Variants in EPB41L3 observed in about 807,000 individuals in gnomAD.
The protein encoded by EPB41L3 is band 4.1-like protein 3.
EPB41L3 carries 57 observed loss-of-function variants against 127.1 expected under a neutral mutation model. The observed-to-expected ratio is 0.45, with a 90% CI of 0.36 to 0.56. The LOEUF (loss-of-function observed/expected upper bound fraction) is 0.56, where lower values mean the gene tolerates loss of function less well. Among genes scored for constraint, EPB41L3 ranks in the 20% least tolerant of loss-of-function variants. The probability of loss-of-function intolerance (pLI) is 0.00; values close to 1 mark genes in which losing one functional copy is unlikely to be tolerated. For missense variants in EPB41L3, 1,273 were observed against 1,372.2 expected (o/e 0.93, Z 1.14); for synonymous variants, 572 against 549.5 (o/e 1.04, Z -0.57).
chr18:5,581,397 A>G (rs946261820), intron 3 of EPB41L3, among the ~76,000 whole-genome samples: 25 of 152,236 alleles, frequency 1.6e-4, no homozygotes, highest in African/African-American at 5.5e-4. Flanking sequence ...CTGTTAAACT[A>G]AATTTTAAGA....
intron 6 of EPB41L3, among the ~76,000 whole-genome samples, chr18:5,435,678 C>T (rs1355549617): frequency 6.6e-6 from 1 of 152,126 alleles, no homozygotes; most frequent in African/African-American, 2.4e-5. Context: ...AGAATGTATC[C>T]GCATTGTTAA....
At chr18:5,556,601 G>A (rs1461154161) in intron 3 of EPB41L3, among the ~76,000 whole-genome samples, 2 of 152,152 alleles carry the variant, frequency 1.3e-5, no homozygotes, top group Non-Finnish European at 2.9e-5. Context: ...GAAAGTTAGA[G>A]GGCAGAAAAA....
chr18:5,616,183 G>A (rs1387398703), intron 1 of EPB41L3, among the ~76,000 whole-genome samples: 10 of 151,826 alleles, frequency 6.6e-5, no homozygotes, highest in South Asian at 4.2e-4. Flanking sequence ...TGCACAGCCC[G>A]CCCGTGAATC....
chr18:5,556,440 C>G (rs1043911163), intron 3 of EPB41L3, among the ~76,000 whole-genome samples: 1 of 152,158 alleles, frequency 6.6e-6, no homozygotes, highest in African/African-American at 2.4e-5. Flanking sequence ...TTTTCCCTAG[C>G]GGTGCTGCTG....
intron 3 of EPB41L3, among the ~76,000 whole-genome samples, chr18:5,476,465 T>C (rs922247437): frequency 6.6e-6 from 1 of 152,146 alleles, no homozygotes; most frequent in Non-Finnish European, 1.5e-5. Context: ...CAGACATAAA[T>C]TAAATCTGAC....
intron 2 of EPB41L3, among the ~76,000 whole-genome samples, chr18:5,483,026 A>G (rs2088895347): frequency 1.3e-5 from 2 of 152,212 alleles, no homozygotes; most frequent in African/African-American, 4.8e-5. Flanking sequence ...TACTACCACA[A>G]TCATAACTCT....
At chr18:5,536,607 C>G (rs962354100) in intron 1 of EPB41L3, among the ~76,000 whole-genome samples, 3 of 151,072 alleles carry the variant, frequency 2.0e-5, no homozygotes, top group Non-Finnish European at 4.4e-5. Context: ...CATTCGAGAC[C>G]AGCCTTGCCA....
At chr18:5,429,836 A>G (rs2078733470) in intron 8 of EPB41L3, among the ~76,000 whole-genome samples, 1 of 152,152 alleles carries the variant, frequency 6.6e-6, no homozygotes, top group South Asian at 2.1e-4. Flanking sequence ...TGATTTAAAG[A>G]GCTGTAACCT....
In EPB41L3 at chr18:5,424,604, T is replaced by A. The variant is rs1007055576; in HGVS notation, c.1066-245A>T. 3.5e-4 allele frequency among the ~76,000 whole-genome samples: 54 copies of A among 152,330 alleles called. 1 individual carries two copies. The highest frequency in any genetic ancestry group is 1.2e-3 in the African/African-American group (50 of 41,582). ...AAAATGTCTTCTGAATAAGTGTGTA[T>A]CTTATGATACAACTGAAAACCAAAC... On this transcript the variant is annotated intron_variant, in intron 9 of 22. Coordinates refer to ENST00000341928, the MANE Select transcript of EPB41L3 (RefSeq NM_012307.5).
intron 1 of EPB41L3, among the ~76,000 whole-genome samples, chr18:5,505,068 C>A (rs570463599): frequency 1.8e-4 from 28 of 152,292 alleles, no homozygotes; most frequent in African/African-American, 6.7e-4. Flanking sequence ...CTCCTCCATC[C>A]AGTGCAGGCA....
At chr18:5,621,933 TTGAA>T (rs1319121404) in intron 1 of EPB41L3, among the ~76,000 whole-genome samples, 1 of 152,230 alleles carries the variant, frequency 6.6e-6, no homozygotes, top group Non-Finnish European at 1.5e-5. Context: ...CTTTTTCTGC[TTGAA>T]TGATACAGAT....
chr18:5,533,012 T>G (rs1278696466), intron 1 of EPB41L3, among the ~76,000 whole-genome samples: 1 of 151,998 alleles, frequency 6.6e-6, no homozygotes, highest in African/African-American at 2.4e-5. Context: ...AAAAAAGAAA[T>G]GAAATTTAAT....
chr18:5,474,858 G>A (rs759462489), intron 3 of EPB41L3, among the ~76,000 whole-genome samples: 1 of 152,168 alleles, frequency 6.6e-6, no homozygotes, highest in African/African-American at 2.4e-5. Context: ...GGAATCAGTG[G>A]CTTCCATAAT....
At chr18:5,509,291 A>AT (rs1335429928) in intron 1 of EPB41L3, among the ~76,000 whole-genome samples, 1 of 152,082 alleles carries the variant, frequency 6.6e-6, no homozygotes, top group East Asian at 1.9e-4. Flanking sequence ...GTGAGTATTC[A>AT]TTTTCTTGAG....
At chr18:5,575,814 G>T (rs1291413833) in intron 3 of EPB41L3, among the ~76,000 whole-genome samples, 1 of 152,100 alleles carries the variant, frequency 6.6e-6, no homozygotes, top group Non-Finnish European at 1.5e-5. Context: ...TGCAGCCTTG[G>T]TGACAGAGTG....
intron 6 of EPB41L3, among the ~76,000 whole-genome samples, chr18:5,434,838 A>T (rs1042351034): frequency 1.3e-5 from 2 of 152,226 alleles, no homozygotes; most frequent in African/African-American, 4.8e-5. Flanking sequence ...TGTAAAAATA[A>T]AAAGTTAACT....
At chr18:5,520,521 G>C (rs1364638003) in intron 1 of EPB41L3, among the ~76,000 whole-genome samples, 1 of 143,964 alleles carries the variant, frequency 6.9e-6, no homozygotes, top group African/African-American at 2.6e-5. Flanking sequence ...CTTCCAAGTT[G>C]TATCACCCAT....
At chr18:5,505,673 C>G (rs1435941899) in intron 1 of EPB41L3, among the ~76,000 whole-genome samples, 1 of 147,876 alleles carries the variant, frequency 6.8e-6, no homozygotes, top group Admixed American at 6.7e-5. Flanking sequence ...ACCTCCACCC[C>G]TACTCTCCAC....
intron 1 of EPB41L3, among the ~76,000 whole-genome samples, chr18:5,523,965 T>G (rs923424927): frequency 6.6e-6 from 1 of 152,166 alleles, no homozygotes; most frequent in Non-Finnish European, 1.5e-5. Flanking sequence ...CTATGAATAT[T>G]TCTATGTATG....
Sources: gnomAD v4.1 joint callset for allele counts (sites outside exome capture counted in the v4.1 genomes callset) on GRCh38, gnomAD v4.1.1 for gene constraint, MANE v1.5 for transcripts, NCBI Gene and HGNC (gene_info 2026-07-23, HGNC 2026-07-21) for gene names.